DLC1: variants seen among roughly 807,000 people sequenced by gnomAD.
The protein encoded by DLC1 is DLC1 Rho GTPase activating protein.
A neutral mutation model predicts 140.3 loss-of-function variants in DLC1; 54 were observed. The ratio of observed to expected loss-of-function variants is 0.38; its 90% CI spans 0.31 to 0.48. DLC1 has a LOEUF of 0.48. Ranked by LOEUF, DLC1 falls within the 20% of genes least tolerant of loss-of-function variation. The pLI is 0.96. For missense variants in DLC1, 2,536 were observed against 1,907.0 expected, an observed-to-expected ratio of 1.33 and a Z score of -6.14; for synonymous variants, 986 against 728.1, an observed-to-expected ratio of 1.35 and a Z score of -5.70.
intron 6 of DLC1, among the ~76,000 whole-genome samples, chr8:13,115,209 A>C (rs1820447336): frequency 6.6e-6 from 1 of 152,248 alleles, no homozygotes; most frequent in South Asian, 2.1e-4. Context: ...TACAATATTA[A>C]GTGAAAAATA....
At chr8:13,541,885 T>A (rs1803497521) in intron 1 of DLC1, among the ~76,000 whole-genome samples, 1 of 152,194 alleles carries the variant, frequency 6.6e-6, no homozygotes, top group Admixed American at 6.5e-5. Flanking sequence ...TTTGGTGTAG[T>A]GTCAATCAAA....
intron 5 of DLC1, among the ~76,000 whole-genome samples, chr8:13,270,973 A>C: frequency 6.6e-6 from 1 of 152,172 alleles, no homozygotes; most frequent in East Asian, 1.9e-4. Context: ...AGGAATGCTG[A>C]CTTGCCTAAT....
At chr8:13,282,997 T>C (rs1481991350) in intron 5 of DLC1, among the ~76,000 whole-genome samples, 2 of 152,188 alleles carry the variant, frequency 1.3e-5, no homozygotes, top group Non-Finnish European at 2.9e-5. Flanking sequence ...ATAACAATTA[T>C]CAACCATCTC....
chr8:13,589,816 A>C (rs1159372777), intron 1 of DLC1, among the ~76,000 whole-genome samples: 1 of 151,726 alleles, frequency 6.6e-6, no homozygotes, highest in Non-Finnish European at 1.5e-5. Flanking sequence ...GAAAGGAGAT[A>C]TTTTAATAAT....
chr8:13,500,041 C>T lies in DLC1; in HGVS notation c.31G>A (p.Glu11Lys), dbSNP rs1384750301. The T allele has an allele frequency of 1.2e-6, 2 of 1,613,906 alleles. No individual in the cohort carries two copies. Among genetic ancestry groups the T allele is most frequent in the East Asian group, 4.5e-5 (2 of 44,868 alleles). ...CCCATCCAGTGGGTCACATGTTCTT[C>T]CCAGCTTCTCTTTCTGATAGCTACA... The part of the protein sequence containing the change: MSVAIRKRSW[E>K]EHVTHWMGQP... Residue 11 changes from glutamate to lysine, a missense_variant, in exon 2 of 18, where the codon GAA becomes AAA. Glu to Lys is a moderately conservative substitution (Grantham distance 56). Coordinates refer to ENST00000276297, the MANE Select transcript of DLC1 (RefSeq NM_182643.3).
At chr8:13,239,417 G>A (rs1341564875) in intron 5 of DLC1, among the ~76,000 whole-genome samples, 1 of 152,034 alleles carries the variant, frequency 6.6e-6, no homozygotes, top group African/African-American at 2.4e-5. Flanking sequence ...TGGGTTACAA[G>A]GACCAGGCAG....
intron 5 of DLC1, chr8:13,133,180 G>A (rs912188119): frequency 2.2e-5 from 31 of 1,431,872 alleles, no homozygotes; most frequent in African/African-American, 2.9e-5. Context: ...ACGAGGGAGC[G>A]CTCAGGGAGT....
chr8:13,372,479 TG>T (rs1157881786), intron 4 of DLC1, among the ~76,000 whole-genome samples: 2 of 152,196 alleles, frequency 1.3e-5, no homozygotes, highest in Admixed American at 1.3e-4. Flanking sequence ...TGTGTTGACA[TG>T]GAAGAACATC....
intron 2 of DLC1, among the ~76,000 whole-genome samples, chr8:13,405,901 T>C (rs188679771): frequency 0.026 from 3,805 of 144,816 alleles, 191 homozygotes; most frequent in African/African-American, 0.093. Context: ...TTCTTTCTTT[T>C]TCTTTCTTTC....
rs535092622 is a variant in DLC1 at position 13,345,547 on chromosome 8, C to CTTTTTTTTTTTTTTTTTTTTTTTTTT, written c.1315-40246_1315-40245insAAAAAAAAAAAAAAAAAAAAAAAAAA. 2.8e-4 allele frequency among the ~76,000 whole-genome samples: 19 copies of CTTTTTTTTTTTTTTTTTTTTTTTTTT among 67,516 alleles called. 1 individual carries two copies. Among genetic ancestry groups the CTTTTTTTTTTTTTTTTTTTTTTTTTT allele is most frequent in the Non-Finnish European group, 4.4e-4 (17 of 38,918 alleles). 44.3% of individuals were successfully genotyped at this position (67,516 alleles called of 152,430 possible). On this transcript the variant is annotated intron_variant, in intron 4 of 17. Coordinates refer to ENST00000276297, the MANE Select transcript of DLC1 (RefSeq NM_182643.3). ...GATTATCTGAAATTTTTCACTCACA[C>CTTTTTTTTTTTTTTTTTTTTTTTTTT]TTTTTTTTTTTTTTTTTTTTTTTGG...
intron 5 of DLC1, among the ~76,000 whole-genome samples, chr8:13,259,312 CA>C (rs1321218634): frequency 6.6e-6 from 1 of 152,066 alleles, no homozygotes; most frequent in Non-Finnish European, 1.5e-5. Context: ...ACAGACTATC[CA>C]GTGCTGTGAA....
At chr8:13,207,391 A>G (rs189488717) in intron 5 of DLC1, among the ~76,000 whole-genome samples, 2 of 152,168 alleles carry the variant, frequency 1.3e-5, no homozygotes, top group African/African-American at 2.4e-5. Context: ...TTGGAGTTAC[A>G]TGTCTTTTTC....
At chr8:13,415,245 C>T (rs75002381) in intron 2 of DLC1, among the ~76,000 whole-genome samples, 3 of 151,934 alleles carry the variant, frequency 2.0e-5, no homozygotes, top group Non-Finnish European at 4.4e-5. Context: ...AAATAAATCA[C>T]TATTTGCTAG....
chr8:13,408,247 A>G lies in DLC1; in HGVS notation c.1024-6628T>C, dbSNP rs183778783. Among the ~76,000 whole-genome samples, 510 of 152,318 alleles carry G rather than the reference A, an allele frequency of 3.3e-3. 2 individuals carry two copies. Among genetic ancestry groups the G allele is most frequent in the African/African-American group, 0.012 (495 of 41,570 alleles). ...ATTAATAATATGTGCCACTATGACTATAATATTAGGTCATGATGATGGATA... is the reference window on the plus strand; with the variant it reads ...ATTAATAATATGTGCCACTATGACTGTAATATTAGGTCATGATGATGGATA... On this transcript the variant is annotated intron_variant, in intron 2 of 17. Transcript: ENST00000276297.
chr8:13,377,556 C>G (rs866538821), intron 4 of DLC1, among the ~76,000 whole-genome samples: 1 of 152,100 alleles, frequency 6.6e-6, no homozygotes, highest in East Asian at 1.9e-4. Flanking sequence ...CTTCCTTATC[C>G]TAAGACATCA....
chr8:13,254,986 AT>A (rs561387177), intron 5 of DLC1, among the ~76,000 whole-genome samples: 1 of 148,694 alleles, frequency 6.7e-6, no homozygotes. Context: ...CTTTTTTCTT[AT>A]TTTTTTTGAG....
chr8:13,134,211 A>C (rs2128965872), intron 5 of DLC1, among the ~76,000 whole-genome samples: 1 of 152,358 alleles, frequency 6.6e-6, no homozygotes, highest in East Asian at 1.9e-4. Flanking sequence ...AAGAGCCTTT[A>C]AAAAATCCAG....
In DLC1 at chr8:13,514,789, C is replaced by G. The variant is rs1009025168; in HGVS notation, c.-313G>C. On this transcript the variant is annotated 5_prime_UTR_variant, in exon 1 of 18. Coordinates refer to ENST00000276297, the MANE Select transcript of DLC1 (RefSeq NM_182643.3). ...AAACACCCTCTGCAGCTGGAGGGAG[C>G]CTTAGCTAAGGCAGGATCCTGTCAA... 5.0e-6 allele frequency: 2 copies of G among 396,260 alleles called. No individual in the cohort carries two copies. The highest frequency in any genetic ancestry group is 8.9e-6 in the Non-Finnish European group (2 of 224,928). The allele number at this position is 396,260 out of a possible 1,614,324, so 24.5% of individuals were successfully genotyped here.
At chr8:13,159,431 A>C (rs1338338718) in intron 5 of DLC1, among the ~76,000 whole-genome samples, 1 of 152,140 alleles carries the variant, frequency 6.6e-6, no homozygotes, top group African/African-American at 2.4e-5. Context: ...ACAGCTGCGC[A>C]TTCTCACGTT....
Sources: gnomAD v4.1 joint callset for allele counts (sites outside exome capture counted in the v4.1 genomes callset) on GRCh38, gnomAD v4.1.1 for gene constraint, MANE v1.5 for transcripts, NCBI Gene and HGNC (gene_info 2026-07-23, HGNC 2026-07-21) for gene names.